The following PHACTR2 variants were observed in gnomAD, a reference collection of about 807,000 sequenced individuals.
PHACTR2 encodes the protein chromosome 6 open reading frame 56.
In PHACTR2, 30 loss-of-function variants were observed where a neutral mutation model predicts 76.0. The observed-to-expected ratio is 0.39, with a 90% CI of 0.30 to 0.54. PHACTR2 has a LOEUF of 0.54. Ranked by LOEUF, PHACTR2 falls within the 20% of genes least tolerant of loss-of-function variation. The pLI is 0.61. For missense variants in PHACTR2, 696 were observed against 781.1 expected, an observed-to-expected ratio of 0.89 and a Z score of 1.30; for synonymous variants, 292 against 292.5, an observed-to-expected ratio of 1.00 and a Z score of 0.02.
At chr6:143,681,202 G>A (rs1275277647) in intron 1 of PHACTR2, among the ~76,000 whole-genome samples, 2 of 152,110 alleles carry the variant, frequency 1.3e-5, no homozygotes, top group Non-Finnish European at 2.9e-5. Flanking sequence ...AAAGAAGTTA[G>A]ACCATTTTAC....
rs200488499 is a variant in PHACTR2 at position 143,765,613 on chromosome 6, C to A, written c.1047C>A (p.Pro349=). The A allele has an allele frequency of 1.9e-6, 3 of 1,614,038 alleles. No individual in the cohort carries two copies. Among genetic ancestry groups the A allele is most frequent in the Admixed American group, 1.7e-5 (1 of 60,000 alleles). Residue 349 remains proline (P), a synonymous_variant, in exon 6 of 13, where the codon CCC becomes CCA. Coordinates refer to ENST00000440869, the MANE Select transcript of PHACTR2 (RefSeq NM_001100164.2). This position sits in a 1 kb window ranked among gnomAD's most constrained non-coding sequence, Gnocchi z 4.1. The stretch of plus-strand genomic sequence containing the variant: ...CTCCAGCACCTTCTCCTCTGGCCCC[C>A]CCTCTCCCTCTTGAGGATCAGTGCA... ...PVAPAPSPLA[P]PLPLEDQCIT... is the part of the protein sequence containing the mutation.
rs954130425 is a variant in PHACTR2, at chr6:143,585,025, A to G, written c.217+47818A>G. Among the ~76,000 whole-genome samples, 9 of 151,138 alleles carry G rather than the reference A, an allele frequency of 6.0e-5. No homozygotes were observed. The highest frequency in any genetic ancestry group is 8.8e-5 in the Non-Finnish European group (6 of 67,894). On this transcript the variant is annotated intron_variant, in intron 1 of 11. Coordinates refer to the PHACTR2 transcript ENST00000367584. The surrounding 1 kb of genome is among the most constrained non-coding windows in gnomAD (Gnocchi z 5.2). ...TATAGGCTTGGCTGTCATACCTTCT[A>G]TAGGCTTGGCTGTCATAACTCAAGT...
At position 143,624,436 on chromosome 6, in the gene PHACTR2, G is replaced by T. The variant is rs557516761; in HGVS notation, c.13+16114G>T. Among the ~76,000 whole-genome samples the T allele has an allele frequency of 2.6e-5, 4 of 152,100 alleles. No homozygotes were observed. Among genetic ancestry groups the T allele is most frequent in the African/African-American group, 9.7e-5 (4 of 41,414 alleles). ...TCTTGTTAATTCTTATGACCAAGACGCAGTCATAGTTACTAATTCATATTC... is the reference window on the plus strand; with the variant it reads ...TCTTGTTAATTCTTATGACCAAGACTCAGTCATAGTTACTAATTCATATTC... On this transcript the variant is annotated intron_variant, in intron 1 of 11. Coordinates refer to the PHACTR2 transcript ENST00000305766. The surrounding 1 kb of genome is among the most constrained non-coding windows in gnomAD (Gnocchi z 4.6).
At position 143,550,088 on chromosome 6, in the gene PHACTR2, A is replaced by G. The variant is rs933066716; in HGVS notation, c.217+12881A>G. Among the ~76,000 whole-genome samples, 2 of 152,192 alleles carry G rather than the reference A, an allele frequency of 1.3e-5. No individual in the cohort carries two copies. The highest frequency in any genetic ancestry group is 2.1e-4 in the South Asian group (1 of 4,812). The stretch of plus-strand genomic sequence containing the variant: ...TCAAATCAAACGTAATGGCCTGCTG[A>G]CCAGAGCTCCCACTCTGAGTTCACA... On this transcript the variant is annotated intron_variant, in intron 1 of 11. Coordinates refer to the PHACTR2 transcript ENST00000367584. The surrounding 1 kb of genome is among the most constrained non-coding windows in gnomAD (Gnocchi z 4.8).
intron 4 of PHACTR2, among the ~76,000 whole-genome samples, chr6:143,758,726 T>A (rs1779363118): frequency 6.6e-6 from 1 of 152,088 alleles, no homozygotes; most frequent in Non-Finnish European, 1.5e-5. Flanking sequence ...GATAGAAGGG[T>A]CAACTTGGGC....
intron 2 of PHACTR2, among the ~76,000 whole-genome samples, chr6:143,727,970 G>C (rs1394676418): frequency 1.3e-5 from 2 of 152,086 alleles, no homozygotes; most frequent in Non-Finnish European, 2.9e-5. Flanking sequence ...CTATTGAACT[G>C]GAAGTCCTAG....
chr6:143,772,290 T>C lies in PHACTR2; in HGVS notation c.1265T>C (p.Val422Ala), dbSNP rs1288352775. The change falls in exon 7 of 13, where the codon GTG becomes GCG. Residue 422 changes from valine to alanine, a missense_variant. By Grantham distance (64) the Val-to-Ala change is moderately conservative. Coordinates refer to ENST00000440869, the MANE Select transcript of PHACTR2 (RefSeq NM_001100164.2). The surrounding 1 kb of genome is among the most constrained non-coding windows in gnomAD (Gnocchi z 5.4). ...FTTKEELGKT[V>A]PQLLTPGLMG... ...ACCAAAGAGGAGCTGGGGAAGACAG[T>C]GCCTCAGCTACTGACTCCTGGGCTG... 6.2e-7 allele frequency: 1 copy of C among 1,613,836 alleles called. No individual in the cohort carries two copies. The highest frequency in any genetic ancestry group is 1.3e-5 in the African/African-American group (1 of 74,924).
Position 143,709,836 on chromosome 6 carries a change from G to C in PHACTR2, c.47-2180G>C, listed in dbSNP as rs908769641. ...ACCCAGTTATTGCTGGGTAGGGCTG[G>C]ATGTCACGGCTTCCTACATGGTCTC... is the stretch of plus-strand genomic sequence containing the variant. On this transcript the variant is annotated intron_variant, in intron 1 of 12. Transcript: ENST00000440869. This position sits in a 1 kb window ranked among gnomAD's most constrained non-coding sequence, Gnocchi z 4.4. 7.2e-5 allele frequency among the ~76,000 whole-genome samples: 11 copies of C among 152,106 alleles called. No individual in the cohort carries two copies. Among genetic ancestry groups the C allele is most frequent in the Admixed American group, 2.0e-4 (3 of 15,270 alleles).
chr6:143,629,180 A>C (rs1202388749), intron 1 of PHACTR2, among the ~76,000 whole-genome samples: 1 of 151,834 alleles, frequency 6.6e-6, no homozygotes, highest in East Asian at 1.9e-4. Context: ...ACAAATACAG[A>C]TCTATTATAT....
chr6:143,777,014 A>G lies in PHACTR2; in HGVS notation c.1590-314A>G, dbSNP rs1775295877. Among the ~76,000 whole-genome samples, 1 of 152,150 alleles carries G rather than the reference A, an allele frequency of 6.6e-6. No homozygotes were observed. Among genetic ancestry groups the G allele is most frequent in the Non-Finnish European group, 1.5e-5 (1 of 68,030 alleles). On this transcript the variant is annotated intron_variant, in intron 8 of 12. Coordinates refer to ENST00000440869, the MANE Select transcript of PHACTR2 (RefSeq NM_001100164.2). This position sits in a 1 kb window ranked among gnomAD's most constrained non-coding sequence, Gnocchi z 4.6. ...AAGTAACAAACATCATTCTGCTCAC[A>G]TCCCATTGCAGAAACTCAGTCACAG...
rs1472582542 is a variant in PHACTR2 at position 143,646,316 on chromosome 6, C to A, written c.13+37994C>A. ...AAAAACTCTATCCCACTTTAAAACT[C>A]CTAAATAGAACAAGCATTTATCTAA... is the stretch of plus-strand genomic sequence containing the variant. On this transcript the variant is annotated intron_variant, in intron 1 of 11. Transcript: ENST00000305766. This position sits in a 1 kb window ranked among gnomAD's most constrained non-coding sequence, Gnocchi z 4.1. 6.6e-6 allele frequency among the ~76,000 whole-genome samples: 1 copy of A among 152,090 alleles called. No homozygotes were observed. The highest frequency in any genetic ancestry group is 1.5e-5 in the Non-Finnish European group (1 of 67,996).
intron 2 of PHACTR2, among the ~76,000 whole-genome samples, chr6:143,736,456 T>A (rs1449773637): frequency 6.6e-6 from 1 of 151,552 alleles, no homozygotes; most frequent in Non-Finnish European, 1.5e-5. Flanking sequence ...TGGTGGATTA[T>A]TATCAAGGAA....
In PHACTR2 at chr6:143,765,237, TA is replaced by T. The variant is rs754123350; in HGVS notation, c.695-22del. Reference sequence around the variant, plus strand: ...AAAAGCATTGTATTCTTTGATTTTTTAATGCAAGGTCTCTCTATTGTAGCTG... The same window carrying T: ...AAAAGCATTGTATTCTTTGATTTTTTATGCAAGGTCTCTCTATTGTAGCTG... On this transcript the variant is annotated intron_variant, in intron 5 of 12. Transcript: ENST00000440869. The surrounding 1 kb of genome is among the most constrained non-coding windows in gnomAD (Gnocchi z 4.1). 1 of 1,560,782 alleles carries T rather than the reference TA, an allele frequency of 6.4e-7. No individual in the cohort carries two copies. The highest frequency in any genetic ancestry group is 8.7e-7 in the Non-Finnish European group (1 of 1,151,824).
In PHACTR2 at chr6:143,749,005, A is replaced by C. The variant is rs766789181; in HGVS notation, c.235A>C (p.Thr79Pro). The change falls in exon 3 of 13, where the codon ACA becomes CCA. Residue 79 changes from threonine to proline, a missense_variant. By Grantham distance (38) the Thr-to-Pro change is conservative. Transcript: ENST00000440869. ...TSAVLERKIS[T>P]RQSREELIRR... ...AAAAGTATTAGAAAGGAAGATATCCACACGACAAAGTAGAGAGGAGCTGAT... is the reference window on the plus strand; with the variant it reads ...AAAAGTATTAGAAAGGAAGATATCCCCACGACAAAGTAGAGAGGAGCTGAT... 1 of 1,578,216 alleles carries C rather than the reference A, an allele frequency of 6.3e-7. No homozygotes were observed. Among genetic ancestry groups the C allele is most frequent in the Admixed American group, 1.7e-5 (1 of 59,866 alleles).
intron 1 of PHACTR2, among the ~76,000 whole-genome samples, chr6:143,686,308 A>G (rs1777518613): frequency 6.6e-6 from 1 of 152,148 alleles, no homozygotes; most frequent in Non-Finnish European, 1.5e-5. Context: ...TGAGATAGAC[A>G]TGTGGTAGAA....
intron 2 of PHACTR2, among the ~76,000 whole-genome samples, chr6:143,714,773 G>A (rs1433746330): frequency 2.0e-5 from 3 of 152,062 alleles, no homozygotes; most frequent in African/African-American, 7.2e-5. Context: ...TAAGCTCTAG[G>A]TTCTTCTATC....
At chr6:143,629,713 G>A (rs1776327338) in intron 1 of PHACTR2, among the ~76,000 whole-genome samples, 1 of 151,976 alleles carries the variant, frequency 6.6e-6, no homozygotes, top group Admixed American at 6.6e-5. Context: ...CCAAGAGGAG[G>A]AAAAAATTCC....
intron 1 of PHACTR2, among the ~76,000 whole-genome samples, chr6:143,666,197 G>C (rs1777031931): frequency 6.6e-6 from 1 of 152,204 alleles, no homozygotes; most frequent in South Asian, 2.1e-4. Context: ...TCCCTGGAAA[G>C]GACATGAACT....
rs1367718197 is a variant in PHACTR2, at chr6:143,753,680, A to G, written c.296-74A>G. 6.5e-5 allele frequency: 68 copies of G among 1,053,174 alleles called. 1 individual carries two copies. The highest frequency in any genetic ancestry group is 8.0e-5 in the South Asian group (5 of 62,366). 65.2% of individuals were successfully genotyped at this position (1,053,174 alleles called of 1,614,324 possible). ...CTGAAACATGAATCTAAATTTTACAATCCTAGTAACTGGAAAACTTGTTTT... is the reference window on the plus strand; with the variant it reads ...CTGAAACATGAATCTAAATTTTACAGTCCTAGTAACTGGAAAACTTGTTTT... On this transcript the variant is annotated intron_variant, in intron 3 of 12. Coordinates refer to ENST00000440869, the MANE Select transcript of PHACTR2 (RefSeq NM_001100164.2). This position sits in a 1 kb window ranked among gnomAD's most constrained non-coding sequence, Gnocchi z 4.6.
Sources: gnomAD v4.1 joint callset for allele counts (sites outside exome capture counted in the v4.1 genomes callset) on GRCh38, gnomAD v4.1.1 for gene constraint, Gnocchi (gnomAD v3.1) non-coding constraint, MANE v1.5 for transcripts, NCBI Gene and HGNC (gene_info 2026-07-23, HGNC 2026-07-21) for gene names.